The following HMCN1 variants were observed in gnomAD, a reference collection of about 807,000 sequenced individuals.
HMCN1 encodes the protein hemicentin 1.
In HMCN1, 321 loss-of-function variants were observed where a neutral mutation model predicts 625.9. The ratio of observed to expected loss-of-function variants is 0.51; its 90% CI spans 0.47 to 0.56. The LOEUF (loss-of-function observed/expected upper bound fraction) is 0.56, where lower values mean the gene tolerates loss of function less well. HMCN1 is among the 20% of genes least tolerant of loss of function. HMCN1 has a pLI of 0.00. For synonymous variants in HMCN1, 2,425 were observed against 2,417.6 expected, an observed-to-expected ratio of 1.00 and a Z score of -0.09; for missense variants, 6,588 against 6,887.3, an observed-to-expected ratio of 0.96 and a Z score of 1.54.
intron 58 of HMCN1, among the ~76,000 whole-genome samples, chr1:186,086,795 TGATAGATA>T (rs1553292612): frequency 8.2e-6 from 1 of 121,382 alleles, no homozygotes; most frequent in African/African-American, 2.8e-5. Context: ...GATAGATAGA[TGATAGATA>T]GATAGATAGA....
Position 185,734,942 on chromosome 1 carries a change from G to T in HMCN1, c.163G>T (p.Asp55Tyr), listed in dbSNP as rs748127350. 3.7e-6 allele frequency: 6 copies of T among 1,614,106 alleles called. No individual in the cohort carries two copies. Among genetic ancestry groups the T allele is most frequent in the Non-Finnish European group, 5.1e-6 (6 of 1,180,008 alleles). ...VFDVTGSMYD[D>Y]LVQVIEGASK... is the part of the protein sequence containing the mutation. ...TGATGTGACTGGTTCTATGTATGAT[G>T]ATTTAGTTCAGGTGATTGAAGGGGC... Residue 55 changes from aspartate (D) to tyrosine (Y), a missense_variant, in exon 1 of 107, where the codon GAT becomes TAT. Asp to Tyr is a radical substitution (Grantham distance 160, BLOSUM62 -3). This residue lies in a region of HMCN1 where 4,628 missense variants were observed against 4,853.1 expected (regional missense o/e 0.95). Coordinates refer to ENST00000271588, the MANE Select transcript of HMCN1 (RefSeq NM_031935.3).
chr1:185,816,122 G>A lies in HMCN1; in HGVS notation c.269-29904G>A, dbSNP rs1194740354. On this transcript the variant is annotated intron_variant, in intron 1 of 106. Transcript: ENST00000271588. ...TCCATTTTGTTTCCTGTTTAAGATA[G>A]AACATGTAGCATGATCATGGAATTT... Among the ~76,000 whole-genome samples the A allele has an allele frequency of 1.4e-5, 2 of 140,434 alleles. 1 individual carries two copies. Among genetic ancestry groups the A allele is most frequent in the African/African-American group, 6.5e-5 (2 of 30,696 alleles). 92.1% of individuals were successfully genotyped at this position (140,434 alleles called of 152,430 possible).
chr1:185,998,920 C>G (rs1167350756), intron 25 of HMCN1, among the ~76,000 whole-genome samples: 1 of 152,100 alleles, frequency 6.6e-6, no homozygotes, highest in Non-Finnish European at 1.5e-5. Context: ...ATTACAGCCT[C>G]CTTTTTTCTT....
chr1:186,183,037 T>A (rs991981581), intron 105 of HMCN1, among the ~76,000 whole-genome samples: 3 of 152,226 alleles, frequency 2.0e-5, no homozygotes, highest in African/African-American at 7.2e-5. Flanking sequence ...AAATAAGAAC[T>A]TGTATAGCTC....
chr1:185,962,703 A>C (rs1309464464), intron 12 of HMCN1, 44 bp downstream of exon 12: 2 of 1,153,640 alleles, frequency 1.7e-6, no homozygotes, highest in East Asian at 4.7e-5. Flanking sequence ...GAGTGAGAAA[A>C]ATTGATGAGA....
intron 1 of HMCN1, among the ~76,000 whole-genome samples, chr1:185,798,793 A>C (rs1658578198): frequency 6.6e-6 from 1 of 150,652 alleles, no homozygotes; most frequent in South Asian, 2.1e-4. Flanking sequence ...TGTTCTTTTG[A>C]TTTCTTTGTG....
intron 1 of HMCN1, among the ~76,000 whole-genome samples, chr1:185,801,723 C>T (rs7540727): frequency 0.081 from 12,337 of 151,988 alleles, 1,657 homozygotes; most frequent in African/African-American, 0.28. Flanking sequence ...ATCTAGGGAA[C>T]GGACAGAGAG....
chr1:185,951,715 G>A (rs1052393420), intron 11 of HMCN1, among the ~76,000 whole-genome samples: 1 of 151,808 alleles, frequency 6.6e-6, no homozygotes, highest in African/African-American at 2.4e-5. Context: ...GGAATCCCGG[G>A]CTGAGGGCAT....
intron 69 of HMCN1, among the ~76,000 whole-genome samples, chr1:186,106,185 C>T (rs568199954): frequency 2.6e-5 from 4 of 152,140 alleles, no homozygotes; most frequent in East Asian, 1.9e-4. Flanking sequence ...ATACATTTTT[C>T]GCAGTAGTAA....
chr1:185,935,511 C>G (rs1476588905), intron 11 of HMCN1, among the ~76,000 whole-genome samples: 1 of 152,196 alleles, frequency 6.6e-6, no homozygotes, highest in East Asian at 1.9e-4. Context: ...TGACTCTCTT[C>G]TTGCTGGTAA....
At chr1:185,980,404 T>C (rs1447939321) in intron 16 of HMCN1, among the ~76,000 whole-genome samples, 1 of 152,242 alleles carries the variant, frequency 6.6e-6, no homozygotes, top group Non-Finnish European at 1.5e-5. Context: ...CAGACTCATG[T>C]AGTTACAAAC....
intron 11 of HMCN1, among the ~76,000 whole-genome samples, chr1:185,959,667 GATA>G (rs1346939653): frequency 2.0e-5 from 3 of 152,088 alleles, no homozygotes; most frequent in African/African-American, 7.2e-5. Context: ...TGATAATGGT[GATA>G]ATGATGATGG....
chr1:185,953,769 C>T (rs911554460), intron 11 of HMCN1, among the ~76,000 whole-genome samples: 3 of 151,702 alleles, frequency 2.0e-5, no homozygotes, highest in Admixed American at 1.3e-4. Context: ...AAATTTCATG[C>T]GCATCCGTGT....
At chr1:185,781,983 G>A (rs1657154392) in intron 1 of HMCN1, among the ~76,000 whole-genome samples, 1 of 152,192 alleles carries the variant, frequency 6.6e-6, no homozygotes, top group Admixed American at 6.5e-5. Flanking sequence ...GGGAGTCTAA[G>A]TCTCTTTGTA....
In HMCN1 at chr1:186,014,845, AGTGGG is replaced by A. The variant is rs1654253582; in HGVS notation, c.4631-311_4631-307del. Among the ~76,000 whole-genome samples, 8 of 152,008 alleles carry A rather than the reference AGTGGG, an allele frequency of 5.3e-5. No homozygotes were observed. The South Asian group carries it at 1.7e-3, about 32-fold the overall frequency. Reference sequence around the variant, plus strand: ...TTTGAAACTTGCTGTGTCTCCTTTGAGTGGGGTTTTATTTTGTTTTGCTTTGTTGG... The same window carrying A: ...TTTGAAACTTGCTGTGTCTCCTTTGAGTTTTATTTTGTTTTGCTTTGTTGG... On this transcript the variant is annotated intron_variant, in intron 30 of 106. Coordinates refer to ENST00000271588, the MANE Select transcript of HMCN1 (RefSeq NM_031935.3).
chr1:185,895,363 G>T (rs942143982), intron 4 of HMCN1, among the ~76,000 whole-genome samples: 13 of 152,024 alleles, frequency 8.6e-5, no homozygotes, highest in Non-Finnish European at 1.3e-4. Flanking sequence ...TCCTGTGATT[G>T]CTGAGAGCAA....
Position 186,038,866 on chromosome 1 carries a change from T to A in HMCN1, c.5889T>A (p.Gly1963=). ...TWYKDNRLLS[G]STSMTFLNRG... ...ACAAAGATAATCGTCTACTCTCAGG[T>A]TCCACCAGCATGACTTTCTTGAACA... The change falls in exon 38 of 107, where the codon GGT becomes GGA. Residue 1963 remains glycine, a synonymous_variant. Transcript: ENST00000271588. The A allele has an allele frequency of 2.5e-6, 4 of 1,605,138 alleles. No individual in the cohort carries two copies. The highest frequency in any genetic ancestry group is 3.4e-6 in the Non-Finnish European group (4 of 1,171,922).
intron 1 of HMCN1, among the ~76,000 whole-genome samples, chr1:185,816,076 T>C (rs749052870): frequency 6.6e-6 from 1 of 150,910 alleles, no homozygotes; most frequent in African/African-American, 2.5e-5. Flanking sequence ...CAAGGAATTA[T>C]TTTGCCTTAG....
intron 1 of HMCN1, among the ~76,000 whole-genome samples, chr1:185,819,472 A>G (rs1473227260): frequency 6.6e-6 from 1 of 152,060 alleles, no homozygotes; most frequent in Non-Finnish European, 1.5e-5. Flanking sequence ...ATTGTCCATG[A>G]GTTCTCTGAT....
Sources: gnomAD v4.1 joint callset for allele counts (sites outside exome capture counted in the v4.1 genomes callset) on GRCh38, gnomAD v4.1.1 for gene constraint, gnomAD v4.1.1 regional missense constraint, MANE v1.5 for transcripts, NCBI Gene and HGNC (gene_info 2026-07-23, HGNC 2026-07-21) for gene names.